FBXL13: variants seen among roughly 807,000 people sequenced by gnomAD.
FBXL13 encodes the protein F-box and leucine rich repeat protein 13, also known as F-box and leucine-rich repeat protein 13.
Under a neutral mutation model 83.6 loss-of-function variants are expected in FBXL13, and 67 were observed. The observed-to-expected ratio is 0.80, with a 90% CI of 0.66 to 0.98. The LOEUF is 0.98. Among genes scored for constraint, FBXL13 ranks in the 50% least tolerant of loss-of-function variants. FBXL13 has a pLI of 0.00. For missense variants in FBXL13, 822 were observed against 866.5 expected (o/e 0.95, Z 0.64); for synonymous variants, 272 against 299.5 (o/e 0.91, Z 0.95).
At chr7:103,029,390 C>A in exon 3 of FBXL13, 2 of 1,536,472 alleles carry the variant, frequency 1.3e-6, no homozygotes, top group South Asian at 1.3e-5. Context: ...ATAAAAGCTA[C>A]AGGCTTTTAT....
chr7:102,913,893 C>G (rs749902030), intron 10 of FBXL13, among the ~76,000 whole-genome samples: 66 of 152,282 alleles, frequency 4.3e-4, no homozygotes, highest in Non-Finnish European at 7.6e-4. Context: ...AAAGCAACAT[C>G]AGAGACTATA....
At chr7:102,897,170 A>G (rs1812353895) in intron 11 of FBXL13, among the ~76,000 whole-genome samples, 1 of 151,908 alleles carries the variant, frequency 6.6e-6, no homozygotes, top group Non-Finnish European at 1.5e-5. Context: ...ATGTGTGTAT[A>G]TATATGATTT....
intron 11 of FBXL13, among the ~76,000 whole-genome samples, chr7:102,887,270 G>C (rs923177484): frequency 1.3e-5 from 2 of 152,176 alleles, no homozygotes; most frequent in Non-Finnish European, 2.9e-5. Flanking sequence ...ACTTGAACAA[G>C]ACAGGTGATT....
rs77441595 is a variant in FBXL13, at chr7:102,978,959, C to T, written c.496-10842G>A. Among the ~76,000 whole-genome samples, 571 of 152,242 alleles carry T rather than the reference C, an allele frequency of 3.8e-3. 4 individuals carry two copies. Among genetic ancestry groups the T allele is most frequent in the African/African-American group, 0.014 (561 of 41,532 alleles). ...AGATCAATGCAAGGAAATAAGTCTT[C>T]GATTTCTCAGTGCTCCTGTAAAAAG... On this transcript the variant is annotated intron_variant, in intron 6 of 19. Transcript: ENST00000313221.
At chr7:102,852,319 C>T (rs1001859277) in intron 17 of FBXL13, among the ~76,000 whole-genome samples, 2 of 152,048 alleles carry the variant, frequency 1.3e-5, no homozygotes, top group Non-Finnish European at 2.9e-5. Context: ...CTGTGACCCA[C>T]AAAATTTATT....
In FBXL13 at chr7:102,973,550, C is replaced by A. The variant is rs377698612; in HGVS notation, c.496-5433G>T. On this transcript the variant is annotated intron_variant, in intron 6 of 19. Transcript: ENST00000313221. ...AGGCGCTCATTAAAACAGCAGGTTG[C>A]TCCACACTGCCTCGTGTTGTCTGTT... 6.5e-6 allele frequency: 5 copies of A among 764,808 alleles called. No individual in the cohort carries two copies. In the African/African-American group the frequency reaches 6.8e-5, roughly 10 times the overall value. 47.4% of individuals were successfully genotyped at this position (764,808 alleles called of 1,614,324 possible). A position where few individuals can be genotyped will look rare whatever the true frequency, so the allele number is the denominator to read the frequency against.
chr7:102,850,072 T>G (rs1398080865), intron 17 of FBXL13, among the ~76,000 whole-genome samples: 1 of 152,190 alleles, frequency 6.6e-6, no homozygotes, highest in East Asian at 1.9e-4. Context: ...TCTTTTAGAT[T>G]ACTGAAAATA....
chr7:102,969,833 G>C (rs917961872), intron 6 of FBXL13, among the ~76,000 whole-genome samples: 2 of 136,054 alleles, frequency 1.5e-5, no homozygotes, highest in African/African-American at 5.5e-5. Context: ...GGAGAGGGGA[G>C]GGGAGGGGAG....
chr7:102,953,183 G>A (rs1451301634), intron 8 of FBXL13, among the ~76,000 whole-genome samples: 3 of 152,110 alleles, frequency 2.0e-5, no homozygotes, highest in Non-Finnish European at 4.4e-5. Flanking sequence ...TGACAAGGAA[G>A]CCAAAGACAT....
At position 102,818,976 on chromosome 7, in the gene FBXL13, CA is replaced by C. The variant is rs559796811; in HGVS notation, c.2018+3063del. On this transcript the variant is annotated intron_variant, in intron 19 of 19. Coordinates refer to ENST00000313221, the Ensembl canonical transcript of FBXL13. Reference sequence around the variant, plus strand: ...CCACCCTCCACCCTCTGACAGGCCCCAGTGTGTGTTGTTCCCATCCATCTGT... The same window carrying C: ...CCACCCTCCACCCTCTGACAGGCCCCGTGTGTGTTGTTCCCATCCATCTGT... 1.6e-3 allele frequency among the ~76,000 whole-genome samples: 249 copies of C among 152,236 alleles called. 1 individual carries two copies. Among genetic ancestry groups the C allele is most frequent in the African/African-American group, 5.5e-3 (229 of 41,552 alleles).
rs377673903 is a variant in FBXL13 at position 103,056,810 on chromosome 7, C to T, written c.-104-1063G>A. ...AAGTGTTCCCTTTTCACTGCATCCA[C>T]GCCAACATCTATTTTTTTTTTTTAT... On this transcript the variant is annotated intron_variant, in intron 1 of 19. Transcript: ENST00000313221. Among the ~76,000 whole-genome samples the T allele has an allele frequency of 4.9e-3, 745 of 151,754 alleles. 8 individuals are homozygous for T. The highest frequency in any genetic ancestry group is 0.017 in the African/African-American group (711 of 41,436).
chr7:103,053,061 AT>A (rs1796991316), intron 2 of FBXL13, among the ~76,000 whole-genome samples: 3 of 150,312 alleles, frequency 2.0e-5, no homozygotes, highest in Admixed American at 2.0e-4. Flanking sequence ...CCAGCCGACA[AT>A]TCCTTTTCTA....
At chr7:102,826,589 A>C (rs1584461234) in intron 18 of FBXL13, among the ~76,000 whole-genome samples, 1 of 150,688 alleles carries the variant, frequency 6.6e-6, no homozygotes, top group East Asian at 1.9e-4. Flanking sequence ...TACAAAAATT[A>C]GCTGGGTATG....
chr7:102,952,720 A>G (rs1823602817), intron 8 of FBXL13, among the ~76,000 whole-genome samples: 1 of 152,208 alleles, frequency 6.6e-6, no homozygotes, highest in African/African-American at 2.4e-5. Flanking sequence ...ACCATGGCTC[A>G]TTCCTGTAAT....
At chr7:102,889,789 AC>A (rs1811291687) in intron 11 of FBXL13, among the ~76,000 whole-genome samples, 1 of 152,046 alleles carries the variant, frequency 6.6e-6, no homozygotes, top group African/African-American at 2.4e-5. Flanking sequence ...CCCATTCCAG[AC>A]CTTAGTTCAT....
chr7:103,073,211 T>C (rs1220906464), intron 1 of FBXL13, among the ~76,000 whole-genome samples: 1 of 152,258 alleles, frequency 6.6e-6, no homozygotes, highest in Non-Finnish European at 1.5e-5. Context: ...TAAAGCTAGA[T>C]ATATACACAT....
At chr7:102,913,327 T>C (rs1188190366) in intron 10 of FBXL13, 112 bp from the exon 12 acceptor site, 1 of 1,328,110 alleles carries the variant, frequency 7.5e-7, no homozygotes, top group Non-Finnish European at 1.0e-6. Context: ...TTCTTGCAGA[T>C]GTTCAACATT....
At chr7:102,963,149 T>G (rs1825543254) in intron 8 of FBXL13, among the ~76,000 whole-genome samples, 1 of 151,436 alleles carries the variant, frequency 6.6e-6, no homozygotes, top group Non-Finnish European at 1.5e-5. Context: ...TGAAACCCTG[T>G]CTCTACTAAA....
intron 7 of FBXL13, among the ~76,000 whole-genome samples, chr7:102,965,839 C>A (rs1191509450): frequency 6.6e-6 from 1 of 152,160 alleles, no homozygotes; most frequent in Non-Finnish European, 1.5e-5. Flanking sequence ...TGTTCAGTGG[C>A]AACATTTTCC....
Sources: gnomAD v4.1 joint callset for allele counts (sites outside exome capture counted in the v4.1 genomes callset) on GRCh38, gnomAD v4.1.1 for gene constraint, MANE v1.5 for transcripts, NCBI Gene and HGNC (gene_info 2026-07-23, HGNC 2026-07-21) for gene names.